Variants in NLGN1 observed in about 807,000 individuals in gnomAD.
NLGN1 encodes the protein neuroligin-1.
A neutral mutation model predicts 65.5 loss-of-function variants in NLGN1; 12 were observed. The ratio of observed to expected loss-of-function variants is 0.18; its 90% CI spans 0.12 to 0.30. The LOEUF (loss-of-function observed/expected upper bound fraction) is 0.30. Ranked by LOEUF, NLGN1 falls within the 10% of genes least tolerant of loss-of-function variation. NLGN1 has a pLI of 1.00. For synonymous variants in NLGN1, 350 were observed against 359.5 expected (o/e 0.97, Z 0.30); for missense variants, 750 against 1,007.1 (o/e 0.74, Z 3.46).
intron 3 of NLGN1, among the ~76,000 whole-genome samples, chr3:173,670,547 G>A (rs1374056428): frequency 6.6e-6 from 1 of 152,018 alleles, no homozygotes; most frequent in African/African-American, 2.4e-5. Context: ...TCTATAAGTA[G>A]CTCTGTTTAA....
chr3:173,736,335 C>T (rs948286011), intron 3 of NLGN1, among the ~76,000 whole-genome samples: 7 of 152,172 alleles, frequency 4.6e-5, no homozygotes, highest in Admixed American at 2.0e-4. Context: ...CCCCCACTCT[C>T]CTTCCACCAG....
intron 4 of NLGN1, among the ~76,000 whole-genome samples, chr3:174,114,356 T>G (rs1279407555): frequency 6.6e-6 from 1 of 152,182 alleles, no homozygotes; most frequent in African/African-American, 2.4e-5. Flanking sequence ...GAATATCAAC[T>G]TACAGCCCCC....
chr3:173,769,933 G>A (rs1779340343), intron 3 of NLGN1, among the ~76,000 whole-genome samples: 2 of 152,130 alleles, frequency 1.3e-5, no homozygotes, highest in Admixed American at 1.3e-4. Flanking sequence ...AAAAATATCA[G>A]GTGTCCCTGC....
At chr3:174,118,239 A>G (rs549750783) in intron 4 of NLGN1, among the ~76,000 whole-genome samples, 1 of 152,180 alleles carries the variant, frequency 6.6e-6, no homozygotes, top group East Asian at 1.9e-4. Context: ...TCTTATTCGT[A>G]TTATATTTAT....
At chr3:173,890,440 G>A (rs569492287) in intron 4 of NLGN1, among the ~76,000 whole-genome samples, 7 of 152,186 alleles carry the variant, frequency 4.6e-5, no homozygotes, top group Non-Finnish European at 8.8e-5. Context: ...AAATCTATCT[G>A]GCCTTTATAG....
At chr3:173,899,443 T>A (rs1736932648) in intron 4 of NLGN1, among the ~76,000 whole-genome samples, 1 of 152,140 alleles carries the variant, frequency 6.6e-6, no homozygotes, top group Non-Finnish European at 1.5e-5. Context: ...GGCAATTTTT[T>A]AAACCAATTC....
intron 3 of NLGN1, among the ~76,000 whole-genome samples, chr3:173,716,245 C>T (rs567781360): frequency 6.6e-6 from 1 of 152,086 alleles, no homozygotes; most frequent in Non-Finnish European, 1.5e-5. Context: ...TAAACTATTT[C>T]TCTATTTTTG....
rs749497190 is a variant in NLGN1 at position 173,630,868 on chromosome 3, G to A, written c.493+25777G>A. Among the ~76,000 whole-genome samples the A allele has an allele frequency of 2.0e-5, 3 of 152,090 alleles. No homozygotes were observed. In the East Asian group the frequency reaches 5.8e-4, roughly 29 times the overall value. On this transcript the variant is annotated intron_variant, in intron 3 of 6. Coordinates refer to ENST00000457714, the Ensembl canonical transcript of NLGN1. ...GCAAATATTAGAGTTATTGAAATTT[G>A]GAAAAAGAGAGACTCTTGGGAGAGA...
intron 2 of NLGN1, among the ~76,000 whole-genome samples, chr3:173,490,044 A>C (rs542408266): frequency 2.0e-5 from 3 of 152,022 alleles, no homozygotes; most frequent in African/African-American, 7.2e-5. Context: ...TTGCCTGTTC[A>C]CTCTGATGGT....
chr3:173,702,174 G>A (rs1767290311), intron 3 of NLGN1, among the ~76,000 whole-genome samples: 2 of 148,738 alleles, frequency 1.3e-5, no homozygotes, highest in African/African-American at 4.9e-5. Flanking sequence ...GGGAGGCGGA[G>A]CTTGCAGTGA....
chr3:174,134,032 A>C (rs1720736442), intron 4 of NLGN1, among the ~76,000 whole-genome samples: 1 of 152,148 alleles, frequency 6.6e-6, no homozygotes, highest in Admixed American at 6.6e-5. Flanking sequence ...TTAGACTGTT[A>C]ATAAGTTCAT....
At chr3:174,028,818 T>C (rs200601246) in intron 4 of NLGN1, among the ~76,000 whole-genome samples, 6 of 152,210 alleles carry the variant, frequency 3.9e-5, no homozygotes, top group African/African-American at 1.4e-4. Context: ...GAGGTATTCA[T>C]GGCAGCCCCT....
chr3:173,921,139 C>G (rs970957462), intron 4 of NLGN1, among the ~76,000 whole-genome samples: 1 of 147,610 alleles, frequency 6.8e-6, no homozygotes, highest in African/African-American at 2.5e-5. Flanking sequence ...AGATTTCACT[C>G]GAATTTGGTC....
intron 4 of NLGN1, among the ~76,000 whole-genome samples, chr3:174,257,720 AAT>A (rs148487842): frequency 8.6e-4 from 126 of 146,022 alleles, no homozygotes; most frequent in Admixed American, 8.9e-4. Context: ...GAACTAGTGG[AAT>A]ATATATATAT....
intron 3 of NLGN1, among the ~76,000 whole-genome samples, chr3:173,721,196 A>G (rs1254518588): frequency 6.6e-6 from 1 of 152,264 alleles, no homozygotes; most frequent in East Asian, 1.9e-4. Flanking sequence ...AAGAAAAATG[A>G]TAGCAATTTA....
At chr3:173,446,943 C>T (rs1218200845) in intron 2 of NLGN1, among the ~76,000 whole-genome samples, 1 of 152,040 alleles carries the variant, frequency 6.6e-6, no homozygotes, top group East Asian at 1.9e-4. Flanking sequence ...TGTTTGAGTT[C>T]ATTGTAGATT....
At chr3:173,402,801 A>G (rs933352939) in intron 1 of NLGN1, among the ~76,000 whole-genome samples, 1 of 152,164 alleles carries the variant, frequency 6.6e-6, no homozygotes, top group African/African-American at 2.4e-5. Context: ...GACTAAAACT[A>G]TGTCACATTT....
At chr3:174,013,763 G>A (rs1390392228) in intron 4 of NLGN1, among the ~76,000 whole-genome samples, 3 of 152,134 alleles carry the variant, frequency 2.0e-5, no homozygotes, top group Admixed American at 6.6e-5. Flanking sequence ...ATCCAGGCTG[G>A]AGTGAGATGA....
At chr3:173,519,648 T>C (rs1734429375) in intron 2 of NLGN1, among the ~76,000 whole-genome samples, 1 of 152,216 alleles carries the variant, frequency 6.6e-6, no homozygotes. Flanking sequence ...CCAATTTCTC[T>C]CTTTTGGAAT....
Sources: gnomAD v4.1 joint callset for allele counts (sites outside exome capture counted in the v4.1 genomes callset) on GRCh38, gnomAD v4.1.1 for gene constraint, MANE v1.5 for transcripts, NCBI Gene and HGNC (gene_info 2026-07-23, HGNC 2026-07-21) for gene names.